GRM7: variants seen among roughly 807,000 people sequenced by gnomAD.
GRM7 encodes the protein glutamate metabotropic receptor 7.
In GRM7, 35 loss-of-function variants were observed where a neutral mutation model predicts 84.5. That is an observed-to-expected ratio of 0.41 (90% CI 0.32 to 0.55). GRM7 has a LOEUF of 0.55. Ranked by LOEUF, GRM7 falls within the 20% of genes least tolerant of loss-of-function variation. The pLI is 0.19. For synonymous variants in GRM7, 487 were observed against 455.1 expected (o/e 1.07, Z -0.89); for missense variants, 1,003 against 1,194.6 (o/e 0.84, Z 2.36).
intron 1 of GRM7, among the ~76,000 whole-genome samples, chr3:7,097,142 TACTC>T (rs958305765): frequency 9.9e-5 from 15 of 152,140 alleles, no homozygotes; most frequent in African/African-American, 3.6e-4. Context: ...GTTGATCACT[TACTC>T]AGGAGCAGGT....
At chr3:7,330,256 G>A (rs991991641) in intron 4 of GRM7, among the ~76,000 whole-genome samples, 15 of 152,064 alleles carry the variant, frequency 9.9e-5, no homozygotes, top group East Asian at 1.9e-4. Flanking sequence ...TATACTTGAC[G>A]TTTTCAGTGA....
intron 1 of GRM7, among the ~76,000 whole-genome samples, chr3:7,079,171 C>T (rs1276230132): frequency 1.3e-5 from 2 of 151,992 alleles, no homozygotes; most frequent in African/African-American, 4.8e-5. Flanking sequence ...TGGTTGTTAA[C>T]CATAATTAGA....
At chr3:7,454,062 A>G (rs1697894852) in intron 6 of GRM7, among the ~76,000 whole-genome samples, 1 of 150,626 alleles carries the variant, frequency 6.6e-6, no homozygotes, top group African/African-American at 2.4e-5. Flanking sequence ...TTATGAGCCA[A>G]GAACCATACA....
chr3:7,013,967 A>G (rs1695473179), intron 1 of GRM7, among the ~76,000 whole-genome samples: 1 of 152,204 alleles, frequency 6.6e-6, no homozygotes, highest in Non-Finnish European at 1.5e-5. Context: ...TAACTGACAT[A>G]TCTGCCCTTC....
chr3:7,108,493 AT>A (rs35770215), intron 1 of GRM7, among the ~76,000 whole-genome samples: 24,117 of 139,828 alleles, frequency 0.17, 1,892 homozygotes, highest in Middle Eastern at 0.28. Context: ...GGACTCAACC[AT>A]TTTTTTTTTT....
chr3:7,478,269 T>C (rs1699000029), intron 7 of GRM7, among the ~76,000 whole-genome samples: 1 of 152,144 alleles, frequency 6.6e-6, no homozygotes, highest in South Asian at 2.1e-4. Context: ...TGAAAAACCG[T>C]ATGTTCTTGC....
At chr3:7,376,985 G>A (rs918839539) in intron 4 of GRM7, among the ~76,000 whole-genome samples, 25 of 152,146 alleles carry the variant, frequency 1.6e-4, no homozygotes, top group Non-Finnish European at 3.2e-4. Context: ...CCTGGGGGAC[G>A]AAATCACTTT....
intron 1 of GRM7, among the ~76,000 whole-genome samples, chr3:7,014,551 A>G (rs1354136799): frequency 6.6e-6 from 1 of 152,050 alleles, no homozygotes; most frequent in African/African-American, 2.4e-5. Context: ...CCTGGCCTCA[A>G]GTGATTTGCC....
At chr3:7,516,188 A>AT (rs1700372547) in intron 7 of GRM7, among the ~76,000 whole-genome samples, 1 of 145,940 alleles carries the variant, frequency 6.9e-6, no homozygotes, top group South Asian at 2.2e-4. Context: ...AAAAAAAAAA[A>AT]GGGCTGGGCA....
intron 9 of GRM7, among the ~76,000 whole-genome samples, chr3:7,731,356 G>C (rs1383957297): frequency 6.6e-6 from 1 of 152,120 alleles, no homozygotes; most frequent in Admixed American, 6.5e-5. Flanking sequence ...TTTTTCTTTT[G>C]TTCTATTCAT....
chr3:7,500,329 A>G (rs1273595325), intron 7 of GRM7, among the ~76,000 whole-genome samples: 7 of 152,228 alleles, frequency 4.6e-5, no homozygotes, highest in Non-Finnish European at 1.0e-4. Context: ...TTTGAGATGT[A>G]TTAGAGGTGT....
intron 4 of GRM7, among the ~76,000 whole-genome samples, chr3:7,312,020 TAACA>T (rs1303186105): frequency 2.6e-5 from 4 of 152,172 alleles, no homozygotes; most frequent in African/African-American, 9.6e-5. Flanking sequence ...CATTAACCAA[TAACA>T]AAGTCATAGC....
At chr3:7,624,168 G>C (rs1264298581) in intron 8 of GRM7, among the ~76,000 whole-genome samples, 1 of 152,096 alleles carries the variant, frequency 6.6e-6, no homozygotes, top group Admixed American at 6.6e-5. Flanking sequence ...TAGTGTTAGA[G>C]GTTACATTCA....
intron 2 of GRM7, among the ~76,000 whole-genome samples, chr3:7,172,208 T>A (rs1695006118): frequency 6.6e-6 from 1 of 152,036 alleles, no homozygotes. Flanking sequence ...ATATGATAAT[T>A]TTTTTTTAAG....
chr3:6,951,957 C>T (rs976718973), intron 1 of GRM7, among the ~76,000 whole-genome samples: 9 of 151,988 alleles, frequency 5.9e-5, no homozygotes, highest in African/African-American at 2.2e-4. Flanking sequence ...TTCTTTATCC[C>T]TGGTAGTATT....
intron 1 of GRM7, among the ~76,000 whole-genome samples, chr3:6,980,618 A>G (rs1559365267): frequency 6.6e-6 from 1 of 152,206 alleles, no homozygotes; most frequent in Non-Finnish European, 1.5e-5. Context: ...TGCAGTATGA[A>G]CACATACTTT....
chr3:7,512,948 G>A (rs1355747069), intron 7 of GRM7, among the ~76,000 whole-genome samples: 2 of 152,110 alleles, frequency 1.3e-5, no homozygotes, highest in South Asian at 2.1e-4. Context: ...TACCAATTAA[G>A]TGTTTAGCAT....
chr3:6,967,450 C>A (rs535667400), intron 1 of GRM7, among the ~76,000 whole-genome samples: 1 of 152,312 alleles, frequency 6.6e-6, no homozygotes, highest in Non-Finnish European at 1.5e-5. Context: ...TCACTTTGGT[C>A]TCCCAAAGTG....
At chr3:7,149,947 AT>A (rs768346978) in intron 2 of GRM7, among the ~76,000 whole-genome samples, 12 of 152,140 alleles carry the variant, frequency 7.9e-5, no homozygotes, top group Non-Finnish European at 1.2e-4. Context: ...CTAGAGGGTT[AT>A]TTTTTAAGCT....
Sources: allele counts gnomAD v4.1 joint callset (sites outside exome capture counted in the v4.1 genomes callset), GRCh38; gene constraint gnomAD v4.1.1; transcripts MANE v1.5; gene names NCBI Gene and HGNC (gene_info 2026-07-23, HGNC 2026-07-21).